PTPRT: variants seen among roughly 807,000 people sequenced by gnomAD.
PTPRT encodes receptor-type tyrosine-protein phosphatase T.
A neutral mutation model predicts 176.8 loss-of-function variants in PTPRT; 56 were observed. That is an observed-to-expected ratio of 0.32 (90% CI 0.26 to 0.40). PTPRT has a LOEUF of 0.40. PTPRT is among the 10% of genes least tolerant of loss of function. PTPRT has a pLI of 1.00. For synonymous variants in PTPRT, 783 were observed against 739.0 expected (o/e 1.06, Z -0.96); for missense variants, 1,540 against 1,908.2 (o/e 0.81, Z 3.60).
At chr20:43,073,930 A>G (rs961526056) in intron 1 of PTPRT, among the ~76,000 whole-genome samples, 2 of 152,012 alleles carry the variant, frequency 1.3e-5, no homozygotes, top group Non-Finnish European at 2.9e-5. Context: ...TTTTAAAATT[A>G]TTTTGTAGAG....
chr20:42,321,955 C>T (rs2057804482), intron 11 of PTPRT, among the ~76,000 whole-genome samples: 2 of 152,140 alleles, frequency 1.3e-5, no homozygotes, highest in South Asian at 4.1e-4. Flanking sequence ...CGCCTGTAGT[C>T]CCAGCTTCTT....
At chr20:42,198,950 C>A (rs560122733) in intron 16 of PTPRT, among the ~76,000 whole-genome samples, 21 of 152,296 alleles carry the variant, frequency 1.4e-4, no homozygotes, top group African/African-American at 4.6e-4. Flanking sequence ...CCTCCTCTTT[C>A]TTTTTTACTG....
intron 1 of PTPRT, among the ~76,000 whole-genome samples, chr20:43,134,528 C>T (rs914752625): frequency 2.0e-5 from 3 of 152,186 alleles, no homozygotes; most frequent in Non-Finnish European, 4.4e-5. Flanking sequence ...ATCCACTGAT[C>T]CCCACCCTGC....
At chr20:42,310,575 T>C (rs776727051) in intron 12 of PTPRT, among the ~76,000 whole-genome samples, 13 of 152,158 alleles carry the variant, frequency 8.5e-5, no homozygotes, top group African/African-American at 2.7e-4. Context: ...GCAATTTGCA[T>C]TGATCAAGCT....
the PTPRT span, among the ~76,000 whole-genome samples, chr20:42,041,179 G>T: frequency 6.6e-6 from 1 of 152,156 alleles, no homozygotes; most frequent in Non-Finnish European, 1.5e-5. Context: ...TGCTGAATAA[G>T]TCCAATCCAC....
intron 2 of PTPRT, among the ~76,000 whole-genome samples, chr20:42,833,077 G>A (rs2078119977): frequency 6.6e-6 from 1 of 151,978 alleles, no homozygotes; most frequent in South Asian, 2.1e-4. Flanking sequence ...ACAACACAGT[G>A]AGACCCCGTG....
intron 2 of PTPRT, among the ~76,000 whole-genome samples, chr20:42,852,399 T>G (rs1214150685): frequency 6.6e-6 from 1 of 152,138 alleles, no homozygotes; most frequent in Non-Finnish European, 1.5e-5. Flanking sequence ...TATGATTGGG[T>G]TTTTCTTTGC....
chr20:42,644,023 G>A (rs1050027301), intron 7 of PTPRT, among the ~76,000 whole-genome samples: 1 of 152,112 alleles, frequency 6.6e-6, no homozygotes, highest in African/African-American at 2.4e-5. Context: ...TCTTCATGAT[G>A]CAGTGCTCTT....
chr20:42,108,954 T>C (rs190595509), intron 23 of PTPRT, among the ~76,000 whole-genome samples: 137 of 152,316 alleles, frequency 9.0e-4, no homozygotes, highest in Middle Eastern at 3.4e-3. Flanking sequence ...TTTCTTTCTT[T>C]CTCCCTAACC....
At chr20:42,630,674 A>G (rs2074386553) in intron 7 of PTPRT, among the ~76,000 whole-genome samples, 1 of 152,200 alleles carries the variant, frequency 6.6e-6, no homozygotes, top group South Asian at 2.1e-4. Context: ...ATCATACATT[A>G]TTTATCCACA....
chr20:43,104,029 C>A (rs1216473611), intron 1 of PTPRT, among the ~76,000 whole-genome samples: 1 of 152,188 alleles, frequency 6.6e-6, no homozygotes, highest in African/African-American at 2.4e-5. Context: ...TTTTCTAGCA[C>A]TTTCATAAAT....
chr20:42,072,743 CA>C (rs1383054613), downstream of PTPRT: 1 of 203,222 alleles, frequency 4.9e-6, no homozygotes, highest in African/African-American at 2.3e-5. Context: ...AGGAAGACAC[CA>C]GTACGAATAT....
chr20:42,306,294 GTTTAGAGT>G (rs1476097129), intron 12 of PTPRT, among the ~76,000 whole-genome samples: 1 of 152,202 alleles, frequency 6.6e-6, no homozygotes, highest in African/African-American at 2.4e-5. Flanking sequence ...TCCAGCAGGG[GTTTAGAGT>G]TTTAAGGCTC....
At chr20:42,306,380 C>T (rs940122078) in intron 12 of PTPRT, among the ~76,000 whole-genome samples, 10 of 152,126 alleles carry the variant, frequency 6.6e-5, no homozygotes, top group Admixed American at 2.0e-4. Flanking sequence ...GAGATGGAGT[C>T]CACTGAGGAC....
chr20:42,996,387 A>G (rs1600633718), intron 1 of PTPRT, among the ~76,000 whole-genome samples: 4 of 152,190 alleles, frequency 2.6e-5, no homozygotes, highest in Admixed American at 2.6e-4. Flanking sequence ...TTTGAATAGC[A>G]TATGTGAACC....
chr20:42,663,944 C>G (rs1285371405), intron 7 of PTPRT, among the ~76,000 whole-genome samples: 1 of 152,120 alleles, frequency 6.6e-6, no homozygotes, highest in Non-Finnish European at 1.5e-5. Context: ...GTCTGAAACT[C>G]TCTTTTGAGC....
intron 1 of PTPRT, among the ~76,000 whole-genome samples, chr20:42,962,841 C>T (rs548952769): frequency 1.2e-4 from 18 of 152,078 alleles, no homozygotes; most frequent in Non-Finnish European, 8.8e-5. Flanking sequence ...GCTAGGTGGG[C>T]GGATCACTTG....
At chr20:42,234,808 G>A (rs558069568) in intron 15 of PTPRT, among the ~76,000 whole-genome samples, 4 of 152,192 alleles carry the variant, frequency 2.6e-5, no homozygotes, top group African/African-American at 9.7e-5. Context: ...GGGCCCATTT[G>A]TTCCCATATA....
chr20:42,067,633 C>G, the PTPRT span, among the ~76,000 whole-genome samples: 6 of 152,166 alleles, frequency 3.9e-5, no homozygotes, highest in African/African-American at 1.4e-4. Flanking sequence ...GGCAGGACTC[C>G]TGTTCCCAAA....
Sources: allele counts gnomAD v4.1 joint callset (sites outside exome capture counted in the v4.1 genomes callset), GRCh38; gene constraint gnomAD v4.1.1; transcripts MANE v1.5; gene names NCBI Gene and HGNC (gene_info 2026-07-23, HGNC 2026-07-21).